RGL1: variants seen among roughly 807,000 people sequenced by gnomAD.
RGL1 encodes ral guanine nucleotide dissociation stimulator-like 1.
RGL1 carries 24 observed loss-of-function variants against 95.2 expected under a neutral mutation model. The observed-to-expected ratio is 0.25, with a 90% CI of 0.18 to 0.35. The LOEUF is 0.35. Ranked by LOEUF, RGL1 falls within the 10% of genes least tolerant of loss-of-function variation. RGL1 has a pLI of 1.00. For missense variants in RGL1, 715 were observed against 936.3 expected (o/e 0.76, Z 3.08); for synonymous variants, 329 against 344.9 (o/e 0.95, Z 0.51).
At chr1:183,766,161 C>T (rs963240635) in intron 2 of RGL1, among the ~76,000 whole-genome samples, 2 of 151,830 alleles carry the variant, frequency 1.3e-5, no homozygotes, top group African/African-American at 4.8e-5. Context: ...AATCCCAGCA[C>T]TTTGGTAGGC....
intron 1 of RGL1, among the ~76,000 whole-genome samples, chr1:183,713,648 C>T (rs897553018): frequency 6.6e-6 from 1 of 152,116 alleles, no homozygotes; most frequent in African/African-American, 2.4e-5. Flanking sequence ...TGTGAGGTCA[C>T]AGGGAGAAAG....
At chr1:183,738,888 G>A (rs923384630) in intron 1 of RGL1, among the ~76,000 whole-genome samples, 5 of 152,102 alleles carry the variant, frequency 3.3e-5, no homozygotes, top group Admixed American at 6.6e-5. Flanking sequence ...GTGATAGCAC[G>A]AGACCCTGTC....
exon 1 of RGL1, chr1:183,636,257 G>A (rs1479970799): frequency 2.5e-6 from 1 of 398,832 alleles, no homozygotes; most frequent in Non-Finnish European, 4.4e-6. Context: ...GTGCCCTGCA[G>A]TTGGTAGGAG....
At chr1:183,870,784 C>T (rs1326977884) in intron 4 of RGL1, among the ~76,000 whole-genome samples, 3 of 152,158 alleles carry the variant, frequency 2.0e-5, no homozygotes, top group Non-Finnish European at 4.4e-5. Context: ...ACCTAACATA[C>T]ATAAAAATAG....
At chr1:183,922,480 A>AT (rs1304326023) in intron 17 of RGL1, 144 bp downstream of exon 17, 17 of 633,230 alleles carry the variant, frequency 2.7e-5, no homozygotes, top group Non-Finnish European at 3.7e-5. Flanking sequence ...TGCAAGGGTG[A>AT]ACAACCGTGC....
chr1:183,912,117 C>G lies in RGL1; in HGVS notation c.1598C>G (p.Thr533Ser). ...GGGTCTGACATGATCACCAGTCCCA[C>G]TCCCACCAAAGAGCAGCCCAAGTCC... The part of the protein sequence containing the change: ...FLGSDMITSP[T>S]PTKEQPKSTA... The change falls in exon 15 of 18, where the codon ACT (threonine) becomes AGT (serine). Residue 533 changes from threonine (T) to serine (S), a missense_variant. By Grantham distance (58) the Thr-to-Ser change is moderately conservative (BLOSUM62 1). This residue lies in a region of RGL1 where 330 missense variants were observed against 429.6 expected (regional missense o/e 0.77). Transcript: ENST00000360851. 1 of 1,614,064 alleles carries G rather than the reference C, an allele frequency of 6.2e-7. No homozygotes were observed. Among genetic ancestry groups the G allele is most frequent in the Non-Finnish European group, 8.5e-7 (1 of 1,179,990 alleles).
intron 2 of RGL1, among the ~76,000 whole-genome samples, chr1:183,795,798 A>G (rs1213890040): frequency 6.6e-6 from 1 of 152,204 alleles, no homozygotes; most frequent in African/African-American, 2.4e-5. Flanking sequence ...GTGTTTTTCT[A>G]TGTTGTGTAG....
chr1:183,834,092 C>T (rs1360484588), intron 2 of RGL1, among the ~76,000 whole-genome samples: 2 of 151,138 alleles, frequency 1.3e-5, no homozygotes, highest in African/African-American at 4.9e-5. Context: ...CGTGAATTTA[C>T]TTTCTTATTT....
At chr1:183,692,908 C>G (rs536213477) in intron 1 of RGL1, among the ~76,000 whole-genome samples, 1 of 151,390 alleles carries the variant, frequency 6.6e-6, no homozygotes. Context: ...TTTAACTATA[C>G]GATAATTGTT....
chr1:183,795,518 G>C (rs1660653726), intron 2 of RGL1, among the ~76,000 whole-genome samples: 1 of 152,198 alleles, frequency 6.6e-6, no homozygotes, highest in Non-Finnish European at 1.5e-5. Context: ...TGAAGGGAGG[G>C]AGCCAGATAT....
intron 16 of RGL1, 73 bp from the exon 17 acceptor site, chr1:183,922,149 T>C: frequency 1.6e-6 from 2 of 1,222,156 alleles, no homozygotes; most frequent in Admixed American, 3.5e-5. Flanking sequence ...ACAGCAAGAA[T>C]GAGAGGGTCA....
In RGL1 at chr1:183,859,025, T is replaced by C. The variant is rs187777289; in HGVS notation, c.348-6971T>C. Among the ~76,000 whole-genome samples the C allele has an allele frequency of 8.5e-5, 13 of 152,342 alleles. No homozygotes were observed. The East Asian group carries it at 2.3e-3, about 27-fold the overall frequency. ...TTTGTTAATAATGTATTAATTCATC[T>C]TAAACCTGAGAAAAATCTAGACTCA... On this transcript the variant is annotated intron_variant, in intron 3 of 17. Transcript: ENST00000360851.
At chr1:183,877,849 G>A (rs1666595830) in intron 4 of RGL1, among the ~76,000 whole-genome samples, 2 of 152,198 alleles carry the variant, frequency 1.3e-5, no homozygotes, top group African/African-American at 4.8e-5. Context: ...CTAAGGGCAA[G>A]TCTAATGTGG....
At chr1:183,671,110 A>G (rs1329861138) in intron 1 of RGL1, among the ~76,000 whole-genome samples, 1 of 152,090 alleles carries the variant, frequency 6.6e-6, no homozygotes. Flanking sequence ...CCCTTATAAA[A>G]CCATCAGATC....
intron 1 of RGL1, among the ~76,000 whole-genome samples, chr1:183,729,427 G>A (rs530152445): frequency 1.2e-4 from 19 of 152,158 alleles, no homozygotes; most frequent in African/African-American, 4.3e-4. Context: ...CTACACATCC[G>A]TTAGAACATT....
chr1:183,878,526 A>C (rs193162489), intron 4 of RGL1, among the ~76,000 whole-genome samples: 53 of 152,298 alleles, frequency 3.5e-4, no homozygotes, highest in African/African-American at 1.3e-3. Flanking sequence ...ATATGTATAC[A>C]TATCCACAGA....
intron 1 of RGL1, among the ~76,000 whole-genome samples, chr1:183,712,765 T>C (rs1478068681): frequency 6.6e-6 from 1 of 152,186 alleles, no homozygotes; most frequent in Non-Finnish European, 1.5e-5. Flanking sequence ...TAATCCCAGC[T>C]CCTAAAGTAG....
intron 4 of RGL1, among the ~76,000 whole-genome samples, chr1:183,879,527 T>G (rs927336716): frequency 6.6e-6 from 1 of 152,168 alleles, no homozygotes; most frequent in Non-Finnish European, 1.5e-5. Context: ...TTTGGTAAAG[T>G]GTTTAGTTAA....
intron 1 of RGL1, among the ~76,000 whole-genome samples, chr1:183,657,861 G>T: frequency 6.6e-6 from 1 of 152,008 alleles, no homozygotes. Flanking sequence ...CTGAGGAATC[G>T]CCACACTGAC....
Sources: gnomAD v4.1 joint callset for allele counts (sites outside exome capture counted in the v4.1 genomes callset) on GRCh38, gnomAD v4.1.1 for gene constraint, gnomAD v4.1.1 regional missense constraint, MANE v1.5 for transcripts, NCBI Gene and HGNC (gene_info 2026-07-23, HGNC 2026-07-21) for gene names.